ACLY: variants seen among roughly 807,000 people sequenced by gnomAD.
ACLY encodes ATP citrate lyase.
Under a neutral mutation model 133.0 loss-of-function variants are expected in ACLY, and 41 were observed. The observed-to-expected ratio is 0.31, with a 90% confidence interval of 0.24 to 0.40. The LOEUF is 0.40. Among genes scored for constraint, ACLY ranks in the 10% least tolerant of loss-of-function variants. The probability of loss-of-function intolerance (pLI) is 1.00; values close to 1 mark genes in which losing one functional copy is unlikely to be tolerated. For missense variants in ACLY, 1,046 were observed against 1,453.8 expected (o/e 0.72, Z 4.56); for synonymous variants, 495 against 549.3 (o/e 0.90, Z 1.38).
intron 25 of ACLY, 88 bp downstream of exon 25, chr17:41,871,601 T>C: frequency 1.3e-6 from 2 of 1,525,130 alleles, no homozygotes; most frequent in African/African-American, 2.7e-5. Context: ...GTGATCCACC[T>C]GCCTTGGCCT....
chr17:41,872,924 C>T (rs2144208003), intron 23 of ACLY, among the ~76,000 whole-genome samples: 1 of 152,264 alleles, frequency 6.6e-6, no homozygotes, highest in African/African-American at 2.4e-5. Flanking sequence ...GAACTTTTCC[C>T]AGGAAGGGTC....
rs2049884323 is a variant in ACLY, at chr17:41,910,886, G to C, written c.283-602C>G. On this transcript the variant is annotated intron_variant, in intron 3 of 28. Coordinates refer to ENST00000352035, the MANE Select transcript of ACLY (RefSeq NM_001096.3). ...CCCGCCTGGCCTGTGCGTCACTGCT[G>C]AGTCAGGGACCAGACAGCAATCCAT... Among the ~76,000 whole-genome samples, 4 of 152,174 alleles carry C rather than the reference G, an allele frequency of 2.6e-5. No individual in the cohort carries two copies. The South Asian group carries it at 8.3e-4, about 31-fold the overall frequency.
chr17:41,921,070 G>A (rs920097077), upstream of ACLY, among the ~76,000 whole-genome samples: 1 of 150,304 alleles, frequency 6.7e-6, no homozygotes, highest in Non-Finnish European at 1.5e-5. Context: ...AGGTTGCAGT[G>A]AGCCGAGATC....
At chr17:41,873,109 G>T (rs960839231) in intron 23 of ACLY, among the ~76,000 whole-genome samples, 2 of 151,354 alleles carry the variant, frequency 1.3e-5, no homozygotes, top group African/African-American at 4.9e-5. Context: ...GAGTTGCAGA[G>T]AAAACCAATT....
At chr17:41,910,998 G>A (rs902407770) in intron 3 of ACLY, among the ~76,000 whole-genome samples, 5 of 152,184 alleles carry the variant, frequency 3.3e-5, no homozygotes, top group African/African-American at 9.7e-5. Context: ...GAGGCCAGCA[G>A]AAGGAAGCAG....
At chr17:41,897,906 T>A in intron 12 of ACLY, 67 bp from the exon 13 acceptor site, 1 of 1,411,926 alleles carries the variant, frequency 7.1e-7, no homozygotes, top group Non-Finnish European at 9.7e-7. Flanking sequence ...CACTGGTCCT[T>A]AAAGGCCCCA....
chr17:41,880,677 A>G (rs1037035041), intron 20 of ACLY, among the ~76,000 whole-genome samples: 3 of 152,074 alleles, frequency 2.0e-5, no homozygotes, highest in African/African-American at 7.2e-5. Context: ...ATCCTAGCTA[A>G]CGGTGAAACC....
intron 28 of ACLY, among the ~76,000 whole-genome samples, 178 bp downstream of exon 28, chr17:41,868,531 A>T (rs1347691590): frequency 2.0e-5 from 3 of 151,442 alleles, no homozygotes; most frequent in Non-Finnish European, 4.4e-5. Flanking sequence ...GTAAGAAAGG[A>T]AAGATTAAGA....
At chr17:41,910,721 G>C (rs879968802) in intron 3 of ACLY, among the ~76,000 whole-genome samples, 1 of 152,186 alleles carries the variant, frequency 6.6e-6, no homozygotes, top group Non-Finnish European at 1.5e-5. Flanking sequence ...GAGAAGTGGG[G>C]AGCCAGGGCT....
Position 41,884,062 on chromosome 17 carries a change from G to A in ACLY, c.2154+131C>T, listed in dbSNP as rs1555627782. On this transcript the variant is annotated intron_variant, in intron 19 of 28. Coordinates refer to ENST00000352035, the MANE Select transcript of ACLY (RefSeq NM_001096.3). ...TAATAGTGACAACCTTGAGGCCCCAGCATCTAGGGGATGGGATTACCAGGG... is the reference window on the plus strand; with the variant it reads ...TAATAGTGACAACCTTGAGGCCCCAACATCTAGGGGATGGGATTACCAGGG... 3 of 621,086 alleles carry A rather than the reference G, an allele frequency of 4.8e-6. No homozygotes were observed. The Admixed American group carries it at 8.0e-5, about 17-fold the overall frequency. The allele number at this position is 621,086 out of a possible 1,614,324, so 38.5% of individuals were successfully genotyped here.
At chr17:41,890,562 C>T (rs1277798724) in intron 16 of ACLY, among the ~76,000 whole-genome samples, 2 of 151,676 alleles carry the variant, frequency 1.3e-5, no homozygotes, top group Non-Finnish European at 2.9e-5. Flanking sequence ...GTGGCAGGCG[C>T]CTGTAATCCC....
At chr17:41,908,801 G>T (rs2049803483) in intron 6 of ACLY, among the ~76,000 whole-genome samples, 188 bp downstream of exon 6, 1 of 152,112 alleles carries the variant, frequency 6.6e-6, no homozygotes, top group African/African-American at 2.4e-5. Flanking sequence ...ACTAAGAGAA[G>T]AACTACAGTC....
rs1446188829 is a variant in ACLY at position 41,878,629 on chromosome 17, AAAC to A, written c.2393+165_2393+167del. 2.0e-5 allele frequency among the ~76,000 whole-genome samples: 3 copies of A among 152,218 alleles called. No individual in the cohort carries two copies. In the East Asian group the frequency reaches 5.8e-4, roughly 29 times the overall value. On this transcript the variant is annotated intron_variant, in intron 21 of 28. Coordinates refer to ENST00000352035, the MANE Select transcript of ACLY (RefSeq NM_001096.3). ...ACCTACTGCCTCCACAAACTAAATA[AAAC>A]AAAAGGAAAGCCAAAGAGAAAGAGG...
chr17:41,887,456 GGACA>G, intron 17 of ACLY, 139 bp downstream of exon 17: 1 of 671,076 alleles, frequency 1.5e-6, no homozygotes, highest in East Asian at 3.0e-5. Context: ...AGCTAAAAAT[GGACA>G]GACTGATTTT....
chr17:41,919,074 G>A (rs1555635065), upstream of ACLY: 2 of 1,234,164 alleles, frequency 1.6e-6, no homozygotes, highest in Non-Finnish European at 2.1e-6. Context: ...CTGAGCGCCA[G>A]GGCTCCTCCC....
At chr17:41,902,564 G>A (rs782229357) in intron 10 of ACLY, among the ~76,000 whole-genome samples, 1 of 152,178 alleles carries the variant, frequency 6.6e-6, no homozygotes, top group Non-Finnish European at 1.5e-5. Flanking sequence ...AAAATGAGAG[G>A]GTGGAAAGGT....
At chr17:41,875,490 G>A (rs1481725158) in intron 22 of ACLY, among the ~76,000 whole-genome samples, 1 of 137,980 alleles carries the variant, frequency 7.2e-6, no homozygotes. Flanking sequence ...CTCTGATGCC[G>A]AGCCGAAGCT....
chr17:41,876,938 A>G (rs1257616888), intron 22 of ACLY, among the ~76,000 whole-genome samples: 1 of 152,124 alleles, frequency 6.6e-6, no homozygotes, highest in Non-Finnish European at 1.5e-5. Context: ...AGGAAAAAAA[A>G]AAAAGAAATG....
intron 16 of ACLY, among the ~76,000 whole-genome samples, chr17:41,889,839 C>T (rs2144296190): frequency 6.6e-6 from 1 of 152,152 alleles, no homozygotes; most frequent in South Asian, 2.1e-4. Flanking sequence ...GTGTCTGCCA[C>T]CATACCCAGC....
Sources: allele counts gnomAD v4.1 joint callset (sites outside exome capture counted in the v4.1 genomes callset), GRCh38; gene constraint gnomAD v4.1.1; transcripts MANE v1.5; gene names NCBI Gene and HGNC (gene_info 2026-07-23, HGNC 2026-07-21).